CDK14: variants seen among roughly 807,000 people sequenced by gnomAD.
CDK14 encodes cyclin dependent kinase 14.
A neutral mutation model predicts 60.7 loss-of-function variants in CDK14; 34 were observed. That is an observed-to-expected ratio of 0.56 (90% confidence interval 0.43 to 0.75). The LOEUF (loss-of-function observed/expected upper bound fraction) is 0.75, where lower values mean the gene tolerates loss of function less well. Ranked by LOEUF, CDK14 falls within the 30% of genes least tolerant of loss-of-function variation. CDK14 has a pLI of 0.00. For synonymous variants in CDK14, 197 were observed against 203.7 expected (o/e 0.97, Z 0.28); for missense variants, 482 against 564.1 (o/e 0.85, Z 1.47).
At chr7:90,691,470 G>A (rs1198682016) in intron 2 of CDK14, among the ~76,000 whole-genome samples, 2 of 152,064 alleles carry the variant, frequency 1.3e-5, no homozygotes, top group East Asian at 3.9e-4. Context: ...AGAGAGAATG[G>A]CAAGGAGGCT....
chr7:91,188,105 A>G (rs1055743902), intron 14 of CDK14, among the ~76,000 whole-genome samples: 4 of 152,226 alleles, frequency 2.6e-5, no homozygotes, highest in African/African-American at 9.6e-5. Context: ...CATTAAAAGG[A>G]AAACCTTACC....
intron 14 of CDK14, among the ~76,000 whole-genome samples, chr7:91,188,787 C>CAA (rs1414367708): frequency 6.6e-6 from 1 of 152,128 alleles, no homozygotes; most frequent in Non-Finnish European, 1.5e-5. Flanking sequence ...TGTAGAGCAA[C>CAA]AGTGTATCAC....
chr7:90,967,354 C>T (rs1794783331), intron 9 of CDK14, among the ~76,000 whole-genome samples: 1 of 152,106 alleles, frequency 6.6e-6, no homozygotes, highest in African/African-American at 2.4e-5. Flanking sequence ...ACATGCCCTG[C>T]TTTTGTTGAT....
chr7:90,735,187 C>G (rs184795866), intron 3 of CDK14, among the ~76,000 whole-genome samples: 2 of 152,306 alleles, frequency 1.3e-5, no homozygotes, highest in Non-Finnish European at 2.9e-5. Flanking sequence ...CTGGAAGCTT[C>G]ATCCCAGAGG....
chr7:91,047,082 C>T (rs1797259747), intron 11 of CDK14, among the ~76,000 whole-genome samples: 1 of 152,230 alleles, frequency 6.6e-6, no homozygotes, highest in South Asian at 2.1e-4. Flanking sequence ...TTTAAATGGA[C>T]TGACTTTCTT....
At position 90,744,872 on chromosome 7, in the gene CDK14, C is replaced by T. The variant is rs558819999; in HGVS notation, c.370-2809C>T. On this transcript the variant is annotated intron_variant, in intron 3 of 14. Coordinates refer to ENST00000380050, the MANE Select transcript of CDK14 (RefSeq NM_001287135.2). ...CTGACCCCCCCACCTCCCTCCCGGA[C>T]GGGGCGGCTGGCCGGGCAGAGGGGC... is the stretch of plus-strand genomic sequence containing the variant. Among the ~76,000 whole-genome samples, 17 of 138,596 alleles carry T rather than the reference C, an allele frequency of 1.2e-4. 1 individual carries two copies. Among genetic ancestry groups the T allele is most frequent in the East Asian group, 4.8e-4 (2 of 4,146 alleles). 90.9% of individuals were successfully genotyped at this position (138,596 alleles called of 152,430 possible).
chr7:91,023,394 A>C (rs187107730), intron 10 of CDK14, among the ~76,000 whole-genome samples: 1 of 152,172 alleles, frequency 6.6e-6, no homozygotes, highest in Admixed American at 6.5e-5. Flanking sequence ...AGATTTTTCA[A>C]AGAGACAATT....
intron 2 of CDK14, among the ~76,000 whole-genome samples, chr7:90,688,474 T>G (rs899934136): frequency 1.3e-5 from 2 of 152,334 alleles, no homozygotes; most frequent in Admixed American, 6.5e-5. Context: ...ATTCAAAATA[T>G]AATAATTTCT....
chr7:90,867,675 G>A (rs559997381), intron 6 of CDK14, among the ~76,000 whole-genome samples: 1 of 151,986 alleles, frequency 6.6e-6, no homozygotes, highest in African/African-American at 2.4e-5. Flanking sequence ...GTTTTTTTTG[G>A]AGGGGGGTGG....
intron 8 of CDK14, among the ~76,000 whole-genome samples, chr7:90,950,995 C>A (rs1165498568): frequency 3.3e-5 from 5 of 151,972 alleles, no homozygotes; most frequent in African/African-American, 4.8e-5. Flanking sequence ...TAGTATAAAT[C>A]CTGTAGGAGG....
At chr7:90,976,965 G>T (rs1185201880) in intron 9 of CDK14, among the ~76,000 whole-genome samples, 1 of 152,014 alleles carries the variant, frequency 6.6e-6, no homozygotes. Flanking sequence ...AATCCCATTT[G>T]TTTATTTTTA....
At chr7:90,851,353 GTA>G (rs1256246428) in intron 5 of CDK14, among the ~76,000 whole-genome samples, 2 of 152,150 alleles carry the variant, frequency 1.3e-5, no homozygotes, top group Non-Finnish European at 1.5e-5. Flanking sequence ...ATATGTGTGT[GTA>G]TGAATGTGTG....
chr7:90,874,819 C>T (rs910262114), intron 6 of CDK14, among the ~76,000 whole-genome samples: 10 of 152,088 alleles, frequency 6.6e-5, no homozygotes, highest in Middle Eastern at 3.4e-3. Context: ...TGAGCCACCG[C>T]GCCCGGCCTC....
intron 3 of CDK14, among the ~76,000 whole-genome samples, chr7:90,743,000 A>G (rs915389971): frequency 6.6e-6 from 1 of 152,112 alleles, no homozygotes; most frequent in African/African-American, 2.4e-5. Context: ...TTTCATATAT[A>G]GCTTATATGC....
At chr7:90,731,812 C>T (rs1340688796) in intron 3 of CDK14, among the ~76,000 whole-genome samples, 1 of 152,134 alleles carries the variant, frequency 6.6e-6, no homozygotes, top group African/African-American at 2.4e-5. Flanking sequence ...TCCTGTTTTC[C>T]TAATTGAATA....
At chr7:90,860,423 C>A (rs1252241972) in intron 5 of CDK14, among the ~76,000 whole-genome samples, 1 of 150,664 alleles carries the variant, frequency 6.6e-6, no homozygotes, top group Non-Finnish European at 1.5e-5. Context: ...CCAGTCACGT[C>A]TTTTGTGGTA....
At chr7:90,750,199 CACCAAT>C (rs1467395852) in intron 4 of CDK14, among the ~76,000 whole-genome samples, 3 of 75,144 alleles carry the variant, frequency 4.0e-5, no homozygotes, top group African/African-American at 1.5e-4. Context: ...CACACACACA[CACCAAT>C]AATATTACAG....
intron 10 of CDK14, among the ~76,000 whole-genome samples, chr7:91,016,284 C>G (rs1299483861): frequency 6.6e-6 from 1 of 152,156 alleles, no homozygotes; most frequent in African/African-American, 2.4e-5. Flanking sequence ...TTTGTTTCTA[C>G]CAATCACCCT....
At chr7:90,984,044 A>G in intron 9 of CDK14, 104 bp from the exon 10 acceptor site, 4 of 758,450 alleles carry the variant, frequency 5.3e-6, no homozygotes, top group Non-Finnish European at 9.4e-6. Context: ...GAAACAGTTT[A>G]CTCACCGCTT....
Sources: allele counts gnomAD v4.1 joint callset (sites outside exome capture counted in the v4.1 genomes callset), GRCh38; gene constraint gnomAD v4.1.1; transcripts MANE v1.5; gene names NCBI Gene and HGNC (gene_info 2026-07-23, HGNC 2026-07-21).